Variants in FKBP5 observed in about 807,000 individuals in gnomAD.
The protein encoded by FKBP5 is FKBP prolyl isomerase 5.
FKBP5 carries 23 observed loss-of-function variants against 50.5 expected under a neutral mutation model. That is an observed-to-expected ratio of 0.46 (90% confidence interval 0.33 to 0.65). The LOEUF (loss-of-function observed/expected upper bound fraction) is 0.65, where lower values mean the gene tolerates loss of function less well. FKBP5 is among the 30% of genes least tolerant of loss of function. FKBP5 has a pLI of 0.02. For synonymous variants in FKBP5, 176 were observed against 190.6 expected, an observed-to-expected ratio of 0.92 and a Z score of 0.63; for missense variants, 411 against 553.1, an observed-to-expected ratio of 0.74 and a Z score of 2.58.
chr6:35,641,814 G>T (rs1764499124), intron 2 of FKBP5, among the ~76,000 whole-genome samples: 1 of 151,956 alleles, frequency 6.6e-6, no homozygotes, highest in African/African-American at 2.4e-5. Context: ...AGACCAGCCT[G>T]GCCAACATGG....
intron 7 of FKBP5, among the ~76,000 whole-genome samples, chr6:35,589,775 C>G (rs1762756538): frequency 6.6e-6 from 1 of 152,198 alleles, no homozygotes; most frequent in East Asian, 1.9e-4. Flanking sequence ...GCTGAGCTAG[C>G]AGGCCTTCAG....
At chr6:35,600,909 C>G (rs1011154924) in intron 5 of FKBP5, among the ~76,000 whole-genome samples, 1 of 152,006 alleles carries the variant, frequency 6.6e-6, no homozygotes, top group Non-Finnish European at 1.5e-5. Flanking sequence ...ATGTGATAAC[C>G]CATCATTAGT....
At chr6:35,662,675 A>G (rs1394906573) in intron 1 of FKBP5, among the ~76,000 whole-genome samples, 2 of 152,270 alleles carry the variant, frequency 1.3e-5, no homozygotes, top group African/African-American at 4.8e-5. Flanking sequence ...ATAAGAGAAC[A>G]AGGATTACCT....
At chr6:35,608,492 C>T (rs1763397586) in intron 5 of FKBP5, among the ~76,000 whole-genome samples, 1 of 152,106 alleles carries the variant, frequency 6.6e-6, no homozygotes, top group Non-Finnish European at 1.5e-5. Context: ...CCCTGGAGTT[C>T]AAGACCAGCT....
intron 3 of FKBP5, among the ~76,000 whole-genome samples, chr6:35,623,565 T>TACATC (rs752856247): frequency 5.0e-4 from 76 of 152,044 alleles, no homozygotes; most frequent in Middle Eastern, 3.4e-3. Context: ...ACGAAATGGC[T>TACATC]ACATCACTTT....
chr6:35,648,334 G>A (rs1372838958), intron 1 of FKBP5, among the ~76,000 whole-genome samples: 7 of 151,970 alleles, frequency 4.6e-5, no homozygotes, highest in African/African-American at 9.7e-5. Context: ...CAGTGGTACC[G>A]TCATAGCTCA....
chr6:35,690,256 G>A (rs1432293964), upstream of FKBP5, among the ~76,000 whole-genome samples: 1 of 152,152 alleles, frequency 6.6e-6, no homozygotes, highest in Non-Finnish European at 1.5e-5. Flanking sequence ...ATCACCTGAG[G>A]TCGGGAGTTC....
intron 2 of FKBP5, among the ~76,000 whole-genome samples, chr6:35,697,108 GA>G (rs1467216072): frequency 6.6e-6 from 1 of 152,078 alleles, no homozygotes; most frequent in Non-Finnish European, 1.5e-5. Flanking sequence ...TTAAAAGCAG[GA>G]ACTCAAACAG....
intron 2 of FKBP5, among the ~76,000 whole-genome samples, chr6:35,702,456 AT>A (rs879943159): frequency 1.1e-3 from 163 of 142,090 alleles, no homozygotes; most frequent in Middle Eastern, 3.6e-3. Flanking sequence ...ATAAACTTTG[AT>A]TTTTTTTTTT....
In FKBP5 at chr6:35,709,186, TG is replaced by T. The variant is rs143516697; in HGVS notation, c.-20+11141del. Among the ~76,000 whole-genome samples, 936 of 152,212 alleles carry T rather than the reference TG, an allele frequency of 6.1e-3. 10 individuals carry two copies. The highest frequency in any genetic ancestry group is 0.021 in the African/African-American group (867 of 41,524). ...AAGGAGGAGCAAATCACATCTTACG[TG>T]GATATTGGCAGGCGAAGAGTGCTTG... On this transcript the variant is annotated intron_variant, in intron 2 of 11. Coordinates refer to the FKBP5 transcript ENST00000536438.
At chr6:35,619,313 T>C in intron 4 of FKBP5, 103 bp from the exon 5 acceptor site, 1 of 688,100 alleles carries the variant, frequency 1.5e-6, no homozygotes, top group Non-Finnish European at 2.5e-6. Context: ...AAAATAAAGC[T>C]GTTTTAAAAT....
At chr6:35,659,163 T>C (rs1765033961) in intron 1 of FKBP5, among the ~76,000 whole-genome samples, 1 of 84,616 alleles carries the variant, frequency 1.2e-5, no homozygotes, top group Non-Finnish European at 2.7e-5. Context: ...GAGGAGTTTG[T>C]GTAAAATTGG....
intron 1 of FKBP5, among the ~76,000 whole-genome samples, chr6:35,670,572 AC>A (rs2151004316): frequency 6.6e-6 from 1 of 152,036 alleles, no homozygotes; most frequent in East Asian, 1.9e-4. Flanking sequence ...TACTAAAAAT[AC>A]AAAAAAAAAT....
chr6:35,605,232 G>GAT (rs35073668), intron 5 of FKBP5, among the ~76,000 whole-genome samples: 12,587 of 151,138 alleles, frequency 0.083, 1,110 homozygotes, highest in African/African-American at 0.23. Context: ...ATCATTTAAA[G>GAT]ATATATATAT....
At chr6:35,672,139 A>AT (rs1395650027) in intron 1 of FKBP5, among the ~76,000 whole-genome samples, 1 of 152,146 alleles carries the variant, frequency 6.6e-6, no homozygotes, top group Non-Finnish European at 1.5e-5. Context: ...AAGTGCTGGG[A>AT]TTACAGGCGT....
At chr6:35,656,954 G>A (rs1243083498) in intron 1 of FKBP5, among the ~76,000 whole-genome samples, 2 of 150,408 alleles carry the variant, frequency 1.3e-5, no homozygotes, top group Non-Finnish European at 3.0e-5. Context: ...GCTCACGGCT[G>A]TAATCCTAGC....
chr6:35,673,687 T>C (rs1043641502), intron 1 of FKBP5, among the ~76,000 whole-genome samples: 3 of 152,214 alleles, frequency 2.0e-5, no homozygotes, highest in Admixed American at 1.3e-4. Flanking sequence ...GACTTGGTTT[T>C]AAGTATTAAG....
chr6:35,620,728 C>G (rs1463285511), intron 3 of FKBP5, among the ~76,000 whole-genome samples: 1 of 152,098 alleles, frequency 6.6e-6, no homozygotes, highest in African/African-American at 2.4e-5. Flanking sequence ...GCACTCTAGC[C>G]TGGGTGACAG....
intron 1 of FKBP5, 35 bp from the exon 2 acceptor site, chr6:35,642,878 T>C: frequency 1.4e-6 from 2 of 1,473,510 alleles, no homozygotes. Flanking sequence ...CTGGGAAAAA[T>C]ATCACTTCTT....
Sources: allele counts gnomAD v4.1 joint callset (sites outside exome capture counted in the v4.1 genomes callset), GRCh38; gene constraint gnomAD v4.1.1; transcripts MANE v1.5; gene names NCBI Gene and HGNC (gene_info 2026-07-23, HGNC 2026-07-21).